The following CHST12 variants were observed in gnomAD, a reference collection of about 807,000 sequenced individuals.
CHST12 encodes the protein carbohydrate (chondroitin 4) sulfotransferase 12.
A neutral mutation model predicts 27.9 loss-of-function variants in CHST12; 23 were observed. The observed-to-expected ratio is 0.82, with a 90% CI of 0.59 to 1.17. The LOEUF is 1.17. Among genes scored for constraint, CHST12 ranks in the 50% most tolerant of loss-of-function variants. The probability of loss-of-function intolerance (pLI) is 0.00; values close to 1 mark genes in which losing one functional copy is unlikely to be tolerated. For missense variants in CHST12, 682 were observed against 603.0 expected (o/e 1.13, Z -1.37); for synonymous variants, 322 against 273.0 (o/e 1.18, Z -1.77).
intron 1 of CHST12, among the ~76,000 whole-genome samples, chr7:2,419,557 A>AT (rs1250235776): frequency 6.6e-6 from 1 of 151,922 alleles, no homozygotes; most frequent in Non-Finnish European, 1.5e-5. Flanking sequence ...AAATACAAAA[A>AT]TTAGCCAGGC....
At chr7:2,407,101 A>G (rs1781545951) in intron 1 of CHST12, among the ~76,000 whole-genome samples, 3 of 152,104 alleles carry the variant, frequency 2.0e-5, no homozygotes, top group Non-Finnish European at 2.9e-5. Context: ...AAGTTGAGGA[A>G]CTCCCTCAGA....
intron 1 of CHST12, among the ~76,000 whole-genome samples, chr7:2,420,401 C>T (rs1478046746): frequency 6.6e-6 from 1 of 152,112 alleles, no homozygotes; most frequent in East Asian, 1.9e-4. Flanking sequence ...ATGGGTTGAC[C>T]ACAGTTTGCT....
chr7:2,413,579 A>T lies in CHST12; in HGVS notation c.-78+9906A>T, dbSNP rs150559846. Among the ~76,000 whole-genome samples the T allele has an allele frequency of 1.8e-4, 28 of 152,190 alleles. No individual in the cohort carries two copies. The East Asian group carries it at 5.2e-3, about 28-fold the overall frequency. The stretch of plus-strand genomic sequence containing the variant: ...ACGATTTTGGCCTCTTTTAAATGTC[A>T]TATAAATGGAACCACAGAACATGCA... On this transcript the variant is annotated intron_variant, in intron 1 of 1. Transcript: ENST00000618655.
At chr7:2,414,379 G>A (rs1781752223) in intron 1 of CHST12, among the ~76,000 whole-genome samples, 1 of 151,992 alleles carries the variant, frequency 6.6e-6, no homozygotes, top group Non-Finnish European at 1.5e-5. Flanking sequence ...CACCTCTTGG[G>A]TTCAAGCGAT....
At chr7:2,432,341 A>G (rs999985835) in intron 1 of CHST12, among the ~76,000 whole-genome samples, 17 of 151,876 alleles carry the variant, frequency 1.1e-4, no homozygotes, top group African/African-American at 4.1e-4. Context: ...CCAGGGAAGC[A>G]CGCGAGCCTT....
chr7:2,406,184 G>C (rs1781519581), intron 1 of CHST12, among the ~76,000 whole-genome samples: 1 of 152,102 alleles, frequency 6.6e-6, no homozygotes, highest in African/African-American at 2.4e-5. Context: ...TTTCACACTT[G>C]CTTAGTGGGT....
At chr7:2,430,523 G>A (rs573625103) in intron 1 of CHST12, among the ~76,000 whole-genome samples, 6 of 152,210 alleles carry the variant, frequency 3.9e-5, no homozygotes, top group Admixed American at 2.0e-4. Flanking sequence ...TCACCATGTT[G>A]GCCAGGCGGG....
At chr7:2,411,997 G>A (rs1271888018) in intron 1 of CHST12, among the ~76,000 whole-genome samples, 1 of 152,216 alleles carries the variant, frequency 6.6e-6, no homozygotes, top group African/African-American at 2.4e-5. Flanking sequence ...GGCCAACAGA[G>A]GGCTTAGAGA....
At position 2,435,215 on chromosome 7, in the gene CHST12, CTAAATAGA is replaced by C. The variant is rs1461081823; in HGVS notation, c.*1332_*1339del. 2 of 152,200 alleles carry C rather than the reference CTAAATAGA, an allele frequency of 1.3e-5. No homozygotes were observed. Among genetic ancestry groups the C allele is most frequent in the Non-Finnish European group, 2.9e-5 (2 of 68,084 alleles). The allele number at this position is 152,200 out of a possible 1,614,324, so 9.4% of individuals were successfully genotyped here. On this transcript the variant is annotated 3_prime_UTR_variant, in exon 2 of 2. Transcript: ENST00000618655. The stretch of plus-strand genomic sequence containing the variant: ...TGGGCAGCAAAGTGAGACTCTGTTT[CTAAATAGA>C]CAGATAGAAGATAGGTAGATAGATA...
At chr7:2,416,124 G>A (rs746967321) in intron 1 of CHST12, among the ~76,000 whole-genome samples, 2 of 152,194 alleles carry the variant, frequency 1.3e-5, no homozygotes, top group African/African-American at 2.4e-5. Context: ...TCTCAGCAGC[G>A]TTCATAGCAT....
In CHST12 at chr7:2,447,350, T is replaced by C. The variant is rs1269173677; in HGVS notation, c.*13466T>C. 1.3e-5 allele frequency: 2 copies of C among 152,292 alleles called. No individual in the cohort carries two copies. The highest frequency in any genetic ancestry group is 2.4e-5 in the African/African-American group (1 of 41,468). The allele number at this position is 152,292 out of a possible 1,614,324, so 9.4% of individuals were successfully genotyped here. ...CCTCAGTGACCCTCTGTGCTTGCCT[T>C]CGTGGTCTTCCTCATGGAGGATTTC... On this transcript the variant is annotated 3_prime_UTR_variant, in exon 2 of 2. Coordinates refer to ENST00000618655, the MANE Select transcript of CHST12 (RefSeq NM_018641.5).
At position 2,433,713 on chromosome 7, in the gene CHST12, G is replaced by A; in HGVS notation, c.1074G>A (p.Val358=). Residue 358 remains valine (V), a synonymous_variant, in exon 2 of 2, where the codon GTG becomes GTA. Coordinates refer to ENST00000618655, the MANE Select transcript of CHST12 (RefSeq NM_018641.5). The surrounding 1 kb of genome is among the most constrained non-coding windows in gnomAD (Gnocchi z 6.1). ...CGCAGCTGCTGCAGCTACTCCAGGT[G>A]GACCGGCAGCTCCGCTTCCCCCCGA... is the stretch of plus-strand genomic sequence containing the variant. The part of the protein sequence containing the change: ...DAAQLLQLLQ[V]DRQLRFPPSY... 1.9e-6 allele frequency: 3 copies of A among 1,613,628 alleles called. No homozygotes were observed. The highest frequency in any genetic ancestry group is 1.1e-5 in the South Asian group (1 of 91,060).
rs1407340198 is a variant in CHST12 at position 2,446,462 on chromosome 7, A to T, written c.*12578A>T. 6.6e-6 allele frequency: 1 copy of T among 151,384 alleles called. No individual in the cohort carries two copies. Among genetic ancestry groups the T allele is most frequent in the Non-Finnish European group, 1.5e-5 (1 of 67,316 alleles). 9.4% of individuals were successfully genotyped at this position (151,384 alleles called of 1,614,324 possible). A position where few individuals can be genotyped will look rare whatever the true frequency, so the allele number is the denominator to read the frequency against. On this transcript the variant is annotated 3_prime_UTR_variant, in exon 2 of 2. Transcript: ENST00000618655. The stretch of plus-strand genomic sequence containing the variant: ...AGTGGTTCCACCCCAGGCAGCCAAC[A>T]AGGCGGTGCCTGAACTATGTCTGTG...
intron 1 of CHST12, among the ~76,000 whole-genome samples, chr7:2,409,354 C>T (rs12536888): frequency 0.16 from 24,638 of 152,070 alleles, 2,275 homozygotes; most frequent in African/African-American, 0.26. Context: ...GTGGTTCGCA[C>T]CTGTAATCCC....
At chr7:2,418,303 A>T (rs1408459303) in intron 1 of CHST12, among the ~76,000 whole-genome samples, 1 of 152,234 alleles carries the variant, frequency 6.6e-6, no homozygotes, top group Non-Finnish European at 1.5e-5. Flanking sequence ...ACCTAACCTA[A>T]TAATTTTCAG....
rs1022853496 is a variant in CHST12, at chr7:2,440,977, G to C, written c.*7093G>C. 3 of 152,166 alleles carry C rather than the reference G, an allele frequency of 2.0e-5. No homozygotes were observed. Among genetic ancestry groups the C allele is most frequent in the African/African-American group, 7.2e-5 (3 of 41,420 alleles). 9.4% of individuals were successfully genotyped at this position (152,166 alleles called of 1,614,324 possible). ...TTTTCCTTGTCTAAGCACCATCCTTGCTTAGGAGAGACACGGCTGTGGCTC... is the reference window on the plus strand; with the variant it reads ...TTTTCCTTGTCTAAGCACCATCCTTCCTTAGGAGAGACACGGCTGTGGCTC... On this transcript the variant is annotated 3_prime_UTR_variant, in exon 2 of 2. Coordinates refer to ENST00000618655, the MANE Select transcript of CHST12 (RefSeq NM_018641.5).
chr7:2,410,514 T>G (rs1308201316), intron 1 of CHST12, among the ~76,000 whole-genome samples: 1 of 152,080 alleles, frequency 6.6e-6, no homozygotes, highest in East Asian at 1.9e-4. Context: ...CTAAAAATAA[T>G]AAATAAAAGA....
intron 1 of CHST12, among the ~76,000 whole-genome samples, chr7:2,408,393 T>G (rs1180667881): frequency 7.1e-6 from 1 of 140,256 alleles, no homozygotes; most frequent in Non-Finnish European, 1.5e-5. Flanking sequence ...AAAAAAAAGA[T>G]CCTTGCGTAC....
rs116100622 is a variant in CHST12, at chr7:2,416,619, C to T, written c.-78+12946C>T. 4.8e-3 allele frequency among the ~76,000 whole-genome samples: 732 copies of T among 152,170 alleles called. 7 individuals are homozygous for T. The highest frequency in any genetic ancestry group is 0.016 in the African/African-American group (663 of 41,508). On this transcript the variant is annotated intron_variant, in intron 1 of 1. Transcript: ENST00000618655. Reference sequence around the variant, plus strand: ...CATGGAAACAGAAACAGATCTCAGTCGATTTAGAGGTGTATTTTGCCAAGG... The same window carrying T: ...CATGGAAACAGAAACAGATCTCAGTTGATTTAGAGGTGTATTTTGCCAAGG...
Sources: gnomAD v4.1 joint callset for allele counts (sites outside exome capture counted in the v4.1 genomes callset) on GRCh38, gnomAD v4.1.1 for gene constraint, Gnocchi (gnomAD v3.1) non-coding constraint, MANE v1.5 for transcripts, NCBI Gene and HGNC (gene_info 2026-07-23, HGNC 2026-07-21) for gene names.